Variants in DSCAM observed in about 807,000 individuals in gnomAD.
DSCAM encodes the protein DS cell adhesion molecule, also known as cell adhesion molecule DSCAM.
DSCAM carries 47 observed loss-of-function variants against 217.7 expected under a neutral mutation model. The observed-to-expected ratio is 0.22, with a 90% confidence interval of 0.17 to 0.28. The LOEUF (loss-of-function observed/expected upper bound fraction) is 0.28. Ranked by LOEUF, DSCAM falls within the 10% of genes least tolerant of loss-of-function variation. DSCAM has a pLI of 1.00. For missense variants in DSCAM, 2,080 were observed against 2,618.3 expected (o/e 0.79, Z 4.49); for synonymous variants, 1,056 against 1,015.3 (o/e 1.04, Z -0.76).
chr21:40,126,849 A>G (rs1568954517), intron 19 of DSCAM, among the ~76,000 whole-genome samples: 1 of 152,338 alleles, frequency 6.6e-6, no homozygotes, highest in East Asian at 1.9e-4. Context: ...AACTTTGTAC[A>G]ATAAAATAAC....
chr21:40,494,322 T>C (rs1365436891), intron 3 of DSCAM, among the ~76,000 whole-genome samples: 2 of 152,164 alleles, frequency 1.3e-5, no homozygotes, highest in African/African-American at 2.4e-5. Context: ...TCACTTCAGA[T>C]TTAAGGACAT....
rs906122934 is a variant in DSCAM at position 40,134,027 on chromosome 21, G to A, written c.3407-18C>T. The A allele has an allele frequency of 5.0e-6, 8 of 1,598,590 alleles. No individual in the cohort carries two copies. In the African/African-American group the frequency reaches 9.4e-5, roughly 19 times the overall value. On this transcript the variant is annotated intron_variant, in intron 18 of 32. Transcript: ENST00000400454. ...ACCCAGCTCTGGAGGACAAGAACAAGAAAACAAAATCCCACTTCTGAGCCC... is the reference window on the plus strand; with the variant it reads ...ACCCAGCTCTGGAGGACAAGAACAAAAAAACAAAATCCCACTTCTGAGCCC...
intron 25 of DSCAM, among the ~76,000 whole-genome samples, chr21:40,079,283 G>A (rs1272540734): frequency 2.6e-5 from 4 of 152,146 alleles, no homozygotes; most frequent in Non-Finnish European, 4.4e-5. Context: ...GGTTTGCGGG[G>A]CAGTGTGCTG....
chr21:40,426,953 TG>T (rs903739571), intron 3 of DSCAM, among the ~76,000 whole-genome samples: 8 of 152,306 alleles, frequency 5.3e-5, no homozygotes, highest in African/African-American at 1.2e-4. Context: ...TCCCTATTTG[TG>T]GGAATACTTA....
chr21:40,411,173 TATACACACACACACACACAC>T (rs1395860063), intron 3 of DSCAM, among the ~76,000 whole-genome samples: 35 of 134,848 alleles, frequency 2.6e-4, no homozygotes, highest in South Asian at 4.7e-4. Flanking sequence ...ACAGTAATTA[TATACACACACACACACACAC>T]ACACACACAC....
intron 1 of DSCAM, among the ~76,000 whole-genome samples, chr21:40,809,736 A>C (rs1202321707): frequency 6.6e-6 from 1 of 152,152 alleles, no homozygotes; most frequent in African/African-American, 2.4e-5. Flanking sequence ...ATCATTTAAC[A>C]ATTATTTGCT....
intron 1 of DSCAM, among the ~76,000 whole-genome samples, chr21:40,830,515 T>C (rs995859117): frequency 1.3e-5 from 2 of 152,190 alleles, no homozygotes; most frequent in Admixed American, 6.5e-5. Flanking sequence ...AGAAACCAGC[T>C]GACCTATCTG....
intron 3 of DSCAM, among the ~76,000 whole-genome samples, chr21:40,666,370 C>A (rs1291396165): frequency 3.9e-5 from 6 of 152,224 alleles, no homozygotes. Flanking sequence ...GAGGAGAAAA[C>A]CGCGGAACAG....
At chr21:40,547,816 C>T (rs2076595703) in intron 3 of DSCAM, among the ~76,000 whole-genome samples, 1 of 152,182 alleles carries the variant, frequency 6.6e-6, no homozygotes, top group Non-Finnish European at 1.5e-5. Context: ...CAGAACGTCT[C>T]TGCCACGTTC....
intron 11 of DSCAM, among the ~76,000 whole-genome samples, 197 bp downstream of exon 11, chr21:40,275,900 C>T (rs1214312378): frequency 1.3e-5 from 2 of 152,148 alleles, no homozygotes; most frequent in African/African-American, 2.4e-5. Context: ...GGCACACTGT[C>T]AACAATTAGC....
intron 11 of DSCAM, among the ~76,000 whole-genome samples, chr21:40,261,440 GATTGAGT>G (rs2073448777): frequency 5.3e-5 from 8 of 152,082 alleles, no homozygotes; most frequent in Admixed American, 6.6e-5. Flanking sequence ...AGAACAAAAA[GATTGAGT>G]ATGAAGAAAC....
At chr21:40,075,683 C>T (rs1337550459) in intron 26 of DSCAM, among the ~76,000 whole-genome samples, 1 of 152,128 alleles carries the variant, frequency 6.6e-6, no homozygotes, top group African/African-American at 2.4e-5. Flanking sequence ...AACTCAAATC[C>T]CTTGTGATTA....
intron 1 of DSCAM, among the ~76,000 whole-genome samples, chr21:40,802,753 G>A (rs949130073): frequency 6.6e-6 from 1 of 152,210 alleles, no homozygotes; most frequent in Non-Finnish European, 1.5e-5. Flanking sequence ...ACTCTGCAAA[G>A]GGTCCTCACC....
At chr21:40,307,670 C>G (rs2074094032) in intron 9 of DSCAM, among the ~76,000 whole-genome samples, 1 of 152,166 alleles carries the variant, frequency 6.6e-6, no homozygotes, top group Admixed American at 6.5e-5. Flanking sequence ...ATAGCAAAGA[C>G]TTGGGACCAA....
intron 20 of DSCAM, among the ~76,000 whole-genome samples, chr21:40,096,238 G>GAGTTGTCCCGCCTTTGCTTCA: frequency 6.6e-6 from 1 of 152,090 alleles, no homozygotes; most frequent in East Asian, 1.9e-4. Flanking sequence ...TCCCCACTTT[G>GAGTTGTCCCGCCTTTGCTTCA]AGTTGTCCCG....
At chr21:40,243,957 C>T (rs1357229915) in intron 11 of DSCAM, among the ~76,000 whole-genome samples, 1 of 152,080 alleles carries the variant, frequency 6.6e-6, no homozygotes, top group Non-Finnish European at 1.5e-5. Flanking sequence ...TCCTGTCAAC[C>T]CCAGAAAGCA....
intron 3 of DSCAM, among the ~76,000 whole-genome samples, chr21:40,460,114 C>G (rs868540559): frequency 6.6e-6 from 1 of 152,140 alleles, no homozygotes; most frequent in Admixed American, 6.6e-5. Flanking sequence ...ACAACACACA[C>G]TGGGGACTGT....
chr21:40,407,377 T>G (rs1047693765), intron 3 of DSCAM, among the ~76,000 whole-genome samples: 1 of 152,228 alleles, frequency 6.6e-6, no homozygotes, highest in African/African-American at 2.4e-5. Context: ...GAGACAACTT[T>G]GCCTTAACTC....
chr21:40,530,145 G>A (rs1439361004), intron 3 of DSCAM, among the ~76,000 whole-genome samples: 1 of 152,118 alleles, frequency 6.6e-6, no homozygotes, highest in African/African-American at 2.4e-5. Context: ...CAAACCAAGT[G>A]CACCATTCCA....
Sources: allele counts gnomAD v4.1 joint callset (sites outside exome capture counted in the v4.1 genomes callset), GRCh38; gene constraint gnomAD v4.1.1; transcripts MANE v1.5; gene names NCBI Gene and HGNC (gene_info 2026-07-23, HGNC 2026-07-21).